UBE2T: variants seen among roughly 807,000 people sequenced by gnomAD.
The protein encoded by UBE2T is ubiquitin conjugating enzyme E2 T, also known as ubiquitin-conjugating enzyme E2 T.
In UBE2T, 15 loss-of-function variants were observed where a neutral mutation model predicts 23.3. The observed-to-expected ratio is 0.64, with a 90% CI of 0.43 to 0.99. The LOEUF (loss-of-function observed/expected upper bound fraction) is 0.99. UBE2T is among the 50% of genes least tolerant of loss of function. UBE2T has a pLI of 0.00. For synonymous variants in UBE2T, 67 were observed against 78.4 expected, an observed-to-expected ratio of 0.85 and a Z score of 0.77; for missense variants, 197 against 234.9, an observed-to-expected ratio of 0.84 and a Z score of 1.05.
chr1:202,333,667 C>T (rs1047191377), intron 3 of UBE2T, 112 bp from the exon 4 acceptor site: 4 of 977,626 alleles, frequency 4.1e-6, no homozygotes, highest in Non-Finnish European at 5.9e-6. Context: ...GTCAGGGAGA[C>T]TGCCTTTGGG....
chr1:202,337,512 G>A (rs1021637046), intron 1 of UBE2T, among the ~76,000 whole-genome samples: 5 of 152,108 alleles, frequency 3.3e-5, no homozygotes, highest in Admixed American at 6.5e-5. Context: ...TGAGGTGGGG[G>A]TCCAATTTAA....
chr1:202,341,577 CA>C (rs57598991), intron 1 of UBE2T, among the ~76,000 whole-genome samples: 221 of 20,288 alleles, frequency 0.011, no homozygotes, highest in African/African-American at 0.036. Context: ...GACTCCGTCT[CA>C]AAAAAAAAAA....
At chr1:202,336,109 G>A (rs989869890) in intron 1 of UBE2T, among the ~76,000 whole-genome samples, 3 of 151,092 alleles carry the variant, frequency 2.0e-5, no homozygotes, top group Non-Finnish European at 2.9e-5. Flanking sequence ...ACAGGGTTTC[G>A]CCATGTTGGC....
rs768591575 is a variant in UBE2T, at chr1:202,333,027, C to A, written c.451G>T (p.Ala151Ser). Reference protein sequence around the residue: ...KNARQWTEKHARQKQKADEEE... With the variant: ...KNARQWTEKHSRQKQKADEEE... ...CATTATACCTTTTGTTTCTGTCTTGCATGCTTCTCTGTCCACTGTCTGGCA... is the reference window on the plus strand; with the variant it reads ...CATTATACCTTTTGTTTCTGTCTTGAATGCTTCTCTGTCCACTGTCTGGCA... The change falls in exon 6 of 7, where the codon GCA becomes TCA. Residue 151 changes from alanine to serine, a missense_variant. Ala to Ser is a moderately conservative substitution (Grantham distance 99, BLOSUM62 1). Coordinates refer to ENST00000646651, the MANE Select transcript of UBE2T (RefSeq NM_014176.4). The A allele has an allele frequency of 3.7e-6, 6 of 1,608,004 alleles. No homozygotes were observed. Among genetic ancestry groups the A allele is most frequent in the Non-Finnish European group, 5.1e-6 (6 of 1,177,130 alleles).
At chr1:202,337,957 A>G (rs1315211104) in intron 1 of UBE2T, among the ~76,000 whole-genome samples, 2 of 152,182 alleles carry the variant, frequency 1.3e-5, no homozygotes, top group Non-Finnish European at 2.9e-5. Flanking sequence ...AAATCATAAC[A>G]GGGTTCTGTG....
At position 202,335,169 on chromosome 1, in the gene UBE2T, A is replaced by G. The variant is rs115464154; in HGVS notation, c.110-111T>C. The G allele has an allele frequency of 3.1e-3, 2,645 of 841,336 alleles. 60 individuals are homozygous for G. In the African/African-American group the frequency reaches 0.042, roughly 13 times the overall value. 52.1% of individuals were successfully genotyped at this position (841,336 alleles called of 1,614,324 possible). On this transcript the variant is annotated intron_variant, in intron 2 of 6. Coordinates refer to ENST00000646651, the MANE Select transcript of UBE2T (RefSeq NM_014176.4). The surrounding 1 kb of genome is among the most constrained non-coding windows in gnomAD (Gnocchi z 4.0). The stretch of plus-strand genomic sequence containing the variant: ...TAATAGAGAAACTAGGCCTAGGACA[A>G]TAATTCTCTGCCAGGACTTTAACAA...
At position 202,331,742 on chromosome 1, in the gene UBE2T, G is replaced by A. The variant is rs928586749; in HGVS notation, c.*93C>T. ...GATAAATAAACTACACAAAAATTAT[G>A]TCATCAAATATATTTAAAAAAAAAT... is the stretch of plus-strand genomic sequence containing the variant. On this transcript the variant is annotated 3_prime_UTR_variant, in exon 7 of 7. Coordinates refer to ENST00000646651, the MANE Select transcript of UBE2T (RefSeq NM_014176.4). The A allele has an allele frequency of 2.3e-5, 33 of 1,454,718 alleles. No individual in the cohort carries two copies. The highest frequency in any genetic ancestry group is 5.0e-5 in the South Asian group (4 of 79,532). 90.1% of individuals were successfully genotyped at this position (1,454,718 alleles called of 1,614,324 possible).
chr1:202,336,378 C>T (rs893265301), intron 1 of UBE2T, among the ~76,000 whole-genome samples: 4 of 152,064 alleles, frequency 2.6e-5, no homozygotes, highest in African/African-American at 9.7e-5. Flanking sequence ...TGTGCCACCA[C>T]GCCAGTCCAA....
intron 1 of UBE2T, among the ~76,000 whole-genome samples, chr1:202,336,577 T>C (rs1326126052): frequency 6.6e-6 from 1 of 152,204 alleles, no homozygotes; most frequent in African/African-American, 2.4e-5. Context: ...TATAAACTCA[T>C]GAGGCCAGGC....
chr1:202,338,285 T>TCTTG (rs56340822), intron 1 of UBE2T, among the ~76,000 whole-genome samples: 17,629 of 152,058 alleles, frequency 0.12, 1,278 homozygotes, highest in Middle Eastern at 0.17. Flanking sequence ...AATGGTGTGC[T>TCTTG]CTTGGCTCAC....
intron 1 of UBE2T, among the ~76,000 whole-genome samples, chr1:202,340,164 C>T (rs927384828): frequency 2.0e-5 from 3 of 151,626 alleles, no homozygotes; most frequent in South Asian, 2.1e-4. Context: ...GGGCTGAGAT[C>T]GCGCCACTGT....
In UBE2T at chr1:202,331,818, G is replaced by A; in HGVS notation, c.*17C>T. The A allele has an allele frequency of 6.2e-7, 1 of 1,613,820 alleles. No individual in the cohort carries two copies. Among genetic ancestry groups the A allele is most frequent in the South Asian group, 1.1e-5 (1 of 91,050 alleles). On this transcript the variant is annotated 3_prime_UTR_variant, in exon 7 of 7. Coordinates refer to ENST00000646651, the MANE Select transcript of UBE2T (RefSeq NM_014176.4). Reference sequence around the variant, plus strand: ...TGGCAAAGAACACATTAACTAAGATGAACCAGGACAAGTCCCCTAAACATC... The same window carrying A: ...TGGCAAAGAACACATTAACTAAGATAAACCAGGACAAGTCCCCTAAACATC...
intron 1 of UBE2T, 138 bp downstream of exon 1, chr1:202,341,757 C>T (rs1655012181): frequency 6.6e-6 from 1 of 152,266 alleles, no homozygotes; most frequent in East Asian, 1.9e-4. Flanking sequence ...TCAACAGTGG[C>T]TTTTCTAAGG....
chr1:202,332,934 A>AAAAAAAAAAAAAAC (rs1654794026), intron 6 of UBE2T, 76 bp downstream of exon 6: 1 of 505,966 alleles, frequency 2.0e-6, no homozygotes, highest in Non-Finnish European at 2.8e-6. Context: ...AAAAAAAAAA[A>AAAAAAAAAAAAAAC]AAAAAACATT....
chr1:202,337,524 G>A (rs920700260), intron 1 of UBE2T, among the ~76,000 whole-genome samples: 10 of 152,108 alleles, frequency 6.6e-5, no homozygotes, highest in African/African-American at 1.4e-4. Context: ...CCAATTTAAA[G>A]TTTTTCCCCA....
In UBE2T at chr1:202,333,796, A is replaced by C. The variant is rs898838597; in HGVS notation, c.180-241T>G. 2.0e-5 allele frequency among the ~76,000 whole-genome samples: 3 copies of C among 152,298 alleles called. No homozygotes were observed. In the East Asian group the frequency reaches 5.8e-4, roughly 29 times the overall value. ...CCTGGATTCAAGCCACTTTACCTCT[A>C]AATACTCCAGCATATCTTCTAAGAA... On this transcript the variant is annotated intron_variant, in intron 3 of 6. Coordinates refer to ENST00000646651, the MANE Select transcript of UBE2T (RefSeq NM_014176.4).
Position 202,335,784 on chromosome 1 carries a change from T to C in UBE2T, c.-30A>G. Reference sequence around the variant, plus strand: ...CCCAAGTAGAAGGAACCACACACAGTTCACTGCTCCACACTAAGAGCTGCC... The same window carrying C: ...CCCAAGTAGAAGGAACCACACACAGCTCACTGCTCCACACTAAGAGCTGCC... On this transcript the variant is annotated 5_prime_UTR_variant, in exon 2 of 7. Coordinates refer to ENST00000646651, the MANE Select transcript of UBE2T (RefSeq NM_014176.4). This position sits in a 1 kb window ranked among gnomAD's most constrained non-coding sequence, Gnocchi z 4.0. 1.2e-6 allele frequency: 2 copies of C among 1,601,608 alleles called. No homozygotes were observed. The highest frequency in any genetic ancestry group is 1.7e-6 in the Non-Finnish European group (2 of 1,169,062).
In UBE2T at chr1:202,335,024, T is replaced by C; in HGVS notation, c.144A>G (p.Lys48=). The C allele has an allele frequency of 6.2e-7, 1 of 1,612,752 alleles. No homozygotes were observed. Among genetic ancestry groups the C allele is most frequent in the Non-Finnish European group, 8.5e-7 (1 of 1,179,340 alleles). ...ILGGANTPYE[K]GVFKLEVIIP... is the part of the protein sequence containing the mutation. ...TGATAACTTCTAGCTTAAAAACACC[T>C]TTCTCATAAGGTGTGTTGGCTCCAC... The change falls in exon 3 of 7, where the codon AAA becomes AAG. Residue 48 remains lysine (K), a synonymous_variant. Transcript: ENST00000646651. The surrounding 1 kb of genome is among the most constrained non-coding windows in gnomAD (Gnocchi z 4.0).
intron 1 of UBE2T, among the ~76,000 whole-genome samples, chr1:202,339,077 CTTTTTTTTTTTTTTT>C (rs35528865): frequency 9.3e-6 from 1 of 107,854 alleles, no homozygotes; most frequent in South Asian, 3.0e-4. Flanking sequence ...GTATTGCCTC[CTTTTTTTTTTTTTTT>C]TTTTTTTTAA....
Sources: gnomAD v4.1 joint callset for allele counts (sites outside exome capture counted in the v4.1 genomes callset) on GRCh38, gnomAD v4.1.1 for gene constraint, Gnocchi (gnomAD v3.1) non-coding constraint, MANE v1.5 for transcripts, NCBI Gene and HGNC (gene_info 2026-07-23, HGNC 2026-07-21) for gene names.